Variants in TAFA1 observed in about 807,000 individuals in gnomAD.
TAFA1 encodes chemokine-like protein TAFA-1.
In TAFA1, 4 loss-of-function variants were observed where a neutral mutation model predicts 18.5. The observed-to-expected ratio is 0.22, with a 90% CI of 0.11 to 0.49. TAFA1 has a LOEUF of 0.49. TAFA1 is among the 20% of genes least tolerant of loss of function. The probability of loss-of-function intolerance (pLI) is 0.98; values close to 1 mark genes in which losing one functional copy is unlikely to be tolerated. For synonymous variants in TAFA1, 56 were observed against 55.2 expected (o/e 1.01, Z -0.06); for missense variants, 147 against 169.0 (o/e 0.87, Z 0.72).
At chr3:68,515,266 C>T (rs1170114889) in intron 3 of TAFA1, among the ~76,000 whole-genome samples, 2 of 152,124 alleles carry the variant, frequency 1.3e-5, no homozygotes, top group African/African-American at 4.8e-5. Flanking sequence ...CTTAAGAAAT[C>T]CTAGAATGTT....
intron 2 of TAFA1, among the ~76,000 whole-genome samples, chr3:68,083,888 C>A (rs1350753583): frequency 1.3e-5 from 2 of 152,138 alleles, no homozygotes; most frequent in Non-Finnish European, 2.9e-5. Flanking sequence ...GTGTCCCTCC[C>A]GACCTGTATA....
At chr3:68,260,722 G>C (rs1350002304) in intron 2 of TAFA1, among the ~76,000 whole-genome samples, 2 of 152,236 alleles carry the variant, frequency 1.3e-5, no homozygotes, top group Non-Finnish European at 2.9e-5. Context: ...GCCATATGTA[G>C]AAAGCTGAAA....
intron 2 of TAFA1, among the ~76,000 whole-genome samples, chr3:68,387,345 T>C (rs896382325): frequency 6.6e-6 from 1 of 152,144 alleles, no homozygotes; most frequent in African/African-American, 2.4e-5. Flanking sequence ...AAGAGATTAT[T>C]GGAGTTCTCC....
intron 2 of TAFA1, among the ~76,000 whole-genome samples, chr3:68,174,439 C>G (rs2066098356): frequency 6.6e-6 from 1 of 151,944 alleles, no homozygotes; most frequent in South Asian, 2.1e-4. Flanking sequence ...GACAAAAATG[C>G]TGATAGTGAC....
chr3:68,461,394 T>C (rs2071778722), intron 3 of TAFA1, among the ~76,000 whole-genome samples: 1 of 148,548 alleles, frequency 6.7e-6, no homozygotes, highest in Admixed American at 6.7e-5. Flanking sequence ...TGTATGTATA[T>C]ATCCATCCCA....
chr3:68,134,621 G>C lies in TAFA1; in HGVS notation c.118+127877G>C, dbSNP rs73834840. ...TAAGTTGGGTTTAGCTTTAAAAAAA[G>C]CTGACATCCAGAAAGTTAGACTTTG... On this transcript the variant is annotated intron_variant, in intron 2 of 4. Coordinates refer to ENST00000478136, the MANE Select transcript of TAFA1 (RefSeq NM_213609.4). Among the ~76,000 whole-genome samples the C allele has an allele frequency of 8.3e-3, 1,269 of 152,250 alleles. 25 individuals carry two copies. Among genetic ancestry groups the C allele is most frequent in the African/African-American group, 0.029 (1,210 of 41,542 alleles).
chr3:68,112,894 T>C (rs2065277738), intron 2 of TAFA1, among the ~76,000 whole-genome samples: 2 of 151,768 alleles, frequency 1.3e-5, no homozygotes, highest in African/African-American at 4.8e-5. Flanking sequence ...TGACAAAACA[T>C]TATTTAAAGA....
At chr3:68,108,217 G>A (rs762311280) in intron 2 of TAFA1, among the ~76,000 whole-genome samples, 9 of 151,902 alleles carry the variant, frequency 5.9e-5, no homozygotes, top group Admixed American at 2.0e-4. Context: ...TTTATTTCAC[G>A]TCAAAAAAAG....
intron 2 of TAFA1, among the ~76,000 whole-genome samples, chr3:68,070,145 A>G (rs1196433087): frequency 6.6e-6 from 1 of 152,190 alleles, no homozygotes; most frequent in East Asian, 1.9e-4. Flanking sequence ...GCATTAGCAG[A>G]GGTTTTCCAT....
At chr3:68,199,922 T>A (rs1476021320) in intron 2 of TAFA1, among the ~76,000 whole-genome samples, 1 of 151,570 alleles carries the variant, frequency 6.6e-6, no homozygotes, top group Admixed American at 6.6e-5. Context: ...TTGTTTTTGA[T>A]CTTAGTGGGA....
rs1304638373 is a variant in TAFA1, at chr3:68,379,520, T to C, written c.119-37760T>C. Among the ~76,000 whole-genome samples the C allele has an allele frequency of 2.6e-5, 4 of 152,290 alleles. No individual in the cohort carries two copies. In the East Asian group the frequency reaches 7.7e-4, roughly 29 times the overall value. ...TAATTAAATCTCTTTTGTCAACTTT[T>C]GCTTTTGTCGTAATTGCTTTTGGCA... On this transcript the variant is annotated intron_variant, in intron 2 of 4. Coordinates refer to ENST00000478136, the MANE Select transcript of TAFA1 (RefSeq NM_213609.4).
chr3:68,486,112 A>C (rs55848785), intron 3 of TAFA1, among the ~76,000 whole-genome samples: 55 of 126,162 alleles, frequency 4.4e-4, no homozygotes, highest in African/African-American at 1.7e-3. Context: ...GTTTTATTTT[A>C]TTTTATTTTA....
At chr3:68,174,041 T>A (rs533836478) in intron 2 of TAFA1, among the ~76,000 whole-genome samples, 5 of 152,332 alleles carry the variant, frequency 3.3e-5, no homozygotes, top group African/African-American at 1.2e-4. Flanking sequence ...AGAAGTTTTA[T>A]TCCAAATAAA....
chr3:68,132,769 G>T (rs1296797810), intron 2 of TAFA1, among the ~76,000 whole-genome samples: 1 of 152,094 alleles, frequency 6.6e-6, no homozygotes, highest in Non-Finnish European at 1.5e-5. Flanking sequence ...GTAGATTCTG[G>T]ATATTAGCCC....
At chr3:68,019,257 A>G (rs900808527) in intron 2 of TAFA1, among the ~76,000 whole-genome samples, 2 of 152,198 alleles carry the variant, frequency 1.3e-5, no homozygotes, top group Non-Finnish European at 2.9e-5. Context: ...TCCCTATGCA[A>G]ACAGGCCTGG....
chr3:68,178,666 A>C (rs1029472394), intron 2 of TAFA1, among the ~76,000 whole-genome samples: 2 of 152,264 alleles, frequency 1.3e-5, no homozygotes, highest in East Asian at 1.9e-4. Context: ...CTTGGCATGC[A>C]CAAGGATCTG....
At chr3:68,117,624 T>C (rs1461130344) in intron 2 of TAFA1, among the ~76,000 whole-genome samples, 1 of 152,212 alleles carries the variant, frequency 6.6e-6, no homozygotes, top group Non-Finnish European at 1.5e-5. Flanking sequence ...TCTTCTTTAG[T>C]AACCAGAAAA....
intron 2 of TAFA1, among the ~76,000 whole-genome samples, chr3:68,207,472 C>G (rs1013899070): frequency 6.6e-6 from 1 of 151,852 alleles, no homozygotes; most frequent in Non-Finnish European, 1.5e-5. Flanking sequence ...AAGTGAGAAA[C>G]TTCACAGAGT....
At chr3:68,277,861 A>G (rs1234713164) in intron 2 of TAFA1, among the ~76,000 whole-genome samples, 1 of 152,192 alleles carries the variant, frequency 6.6e-6, no homozygotes, top group African/African-American at 2.4e-5. Flanking sequence ...TATCGTGACA[A>G]CTTTTCAGGT....
Sources: allele counts gnomAD v4.1 joint callset (sites outside exome capture counted in the v4.1 genomes callset), GRCh38; gene constraint gnomAD v4.1.1; transcripts MANE v1.5; gene names NCBI Gene and HGNC (gene_info 2026-07-23, HGNC 2026-07-21).